PSD2: variants seen among roughly 807,000 people sequenced by gnomAD.
PSD2 encodes PH and SEC7 domain-containing protein 2.
In PSD2, 38 loss-of-function variants were observed where a neutral mutation model predicts 69.8. The ratio of observed to expected loss-of-function variants is 0.54; its 90% CI spans 0.42 to 0.71. The LOEUF is 0.71. Ranked by LOEUF, PSD2 falls within the 30% of genes least tolerant of loss-of-function variation. The probability of loss-of-function intolerance (pLI) is 0.00; values close to 1 mark genes in which losing one functional copy is unlikely to be tolerated. For synonymous variants in PSD2, 412 were observed against 423.0 expected (o/e 0.97, Z 0.32); for missense variants, 943 against 1,014.5 (o/e 0.93, Z 0.96).
chr5:139,812,146 G>A (rs773786176), intron 2 of PSD2, among the ~76,000 whole-genome samples: 2 of 152,142 alleles, frequency 1.3e-5, no homozygotes, highest in Non-Finnish European at 2.9e-5. Context: ...TGGAGCTTAC[G>A]GTCTAGTGGG....
At chr5:139,773,403 A>G in the PSD2 span, among the ~76,000 whole-genome samples, 1 of 152,100 alleles carries the variant, frequency 6.6e-6, no homozygotes, top group Admixed American at 6.6e-5. Context: ...CTGGGACTAC[A>G]GGCACACACC....
Position 139,809,048 on chromosome 5 carries a change from G to A in PSD2, c.-50-343G>A, listed in dbSNP as rs914540058. 2.6e-5 allele frequency among the ~76,000 whole-genome samples: 4 copies of A among 152,208 alleles called. No individual in the cohort carries two copies. The South Asian group carries it at 8.3e-4, about 32-fold the overall frequency. Reference sequence around the variant, plus strand: ...TCACTCACCAGCGGGAATGGGAGGGGGCCCTACTGGACCCTTCTCCACTTC... The same window carrying A: ...TCACTCACCAGCGGGAATGGGAGGGAGCCCTACTGGACCCTTCTCCACTTC... On this transcript the variant is annotated intron_variant, in intron 1 of 14. Coordinates refer to ENST00000274710, the MANE Select transcript of PSD2 (RefSeq NM_032289.4).
At chr5:139,775,685 T>A in the PSD2 span, among the ~76,000 whole-genome samples, 8 of 152,206 alleles carry the variant, frequency 5.3e-5, no homozygotes, top group South Asian at 1.7e-3. Flanking sequence ...TTCTTCCTTT[T>A]TTTGTGAGAG....
At chr5:139,804,318 A>T (rs1375341633) in intron 1 of PSD2, among the ~76,000 whole-genome samples, 1 of 152,186 alleles carries the variant, frequency 6.6e-6, no homozygotes, top group Admixed American at 6.5e-5. Context: ...TTTCTTTGCC[A>T]AGTAACCCTC....
chr5:139,768,666 T>G, the PSD2 span, among the ~76,000 whole-genome samples: 1 of 149,506 alleles, frequency 6.7e-6, no homozygotes, highest in Non-Finnish European at 1.5e-5. Context: ...GAGGTTGCTG[T>G]GAGCCGAGAT....
the PSD2 span, among the ~76,000 whole-genome samples, chr5:139,760,920 G>A: frequency 6.6e-6 from 1 of 152,148 alleles, no homozygotes; most frequent in Non-Finnish European, 1.5e-5. Context: ...AGCCTGCCCC[G>A]GGGATCTCCT....
In PSD2 at chr5:139,842,914, C is replaced by T. The variant is rs79252736; in HGVS notation, c.*440C>T. Reference sequence around the variant, plus strand: ...CTCCTCCTTCCTCTGAGTTGACCAGCAGCAGGTCTGCCGACCACCAGCACC... The same window carrying T: ...CTCCTCCTTCCTCTGAGTTGACCAGTAGCAGGTCTGCCGACCACCAGCACC... On this transcript the variant is annotated 3_prime_UTR_variant, in exon 15 of 15. Transcript: ENST00000274710. 6.9e-3 allele frequency: 1,122 copies of T among 162,390 alleles called. 13 individuals carry two copies. Among genetic ancestry groups the T allele is most frequent in the African/African-American group, 0.026 (1,080 of 41,732 alleles). 10.1% of individuals were successfully genotyped at this position (162,390 alleles called of 1,614,324 possible). A position where few individuals can be genotyped will look rare whatever the true frequency, so the allele number is the denominator to read the frequency against.
chr5:139,834,954 T>C (rs1259944698), intron 8 of PSD2, among the ~76,000 whole-genome samples: 4 of 150,008 alleles, frequency 2.7e-5, no homozygotes, highest in Non-Finnish European at 5.9e-5. Flanking sequence ...TATATATATC[T>C]CCCCAAACCC....
upstream of PSD2, among the ~76,000 whole-genome samples, chr5:139,793,163 G>A (rs978934384): frequency 1.3e-4 from 19 of 151,968 alleles, no homozygotes; most frequent in African/African-American, 3.9e-4. Context: ...GGCTGGTCTC[G>A]AGCTCTTGAC....
Position 139,837,324 on chromosome 5 carries a change from G to A in PSD2, c.1665+86G>A. On this transcript the variant is annotated intron_variant, in intron 11 of 14. Transcript: ENST00000274710. This position sits in a 1 kb window ranked among gnomAD's most constrained non-coding sequence, Gnocchi z 5.0. ...GCCTTGTGGCACCCCGAAGCCCCAG[G>A]CAGGACCTGGGGCTCAGGCACATGC... is the stretch of plus-strand genomic sequence containing the variant. The A allele has an allele frequency of 7.5e-7, 1 of 1,328,094 alleles. No individual in the cohort carries two copies. The highest frequency in any genetic ancestry group is 1.2e-5 in the South Asian group (1 of 82,062). The allele number at this position is 1,328,094 out of a possible 1,614,324, so 82.3% of individuals were successfully genotyped here.
chr5:139,822,062 TC>T, intron 6 of PSD2, 57 bp downstream of exon 6: 1 of 1,109,290 alleles, frequency 9.0e-7, no homozygotes. Flanking sequence ...CAGGCCCTGG[TC>T]CCCTCCCATC....
the PSD2 span, among the ~76,000 whole-genome samples, chr5:139,767,999 A>G: frequency 6.6e-6 from 1 of 152,286 alleles, no homozygotes; most frequent in Non-Finnish European, 1.5e-5. Flanking sequence ...GGACAAGAAG[A>G]CCTTGAGCTG....
intron 14 of PSD2, 94 bp downstream of exon 14, chr5:139,840,264 G>A: frequency 7.2e-7 from 1 of 1,384,618 alleles, no homozygotes; most frequent in Non-Finnish European, 1.0e-6. Context: ...GAAGCCTAGT[G>A]ATAAAGGGGC....
At chr5:139,838,571 T>C in intron 12 of PSD2, 57 bp from the exon 13 acceptor site, 1 of 1,579,938 alleles carries the variant, frequency 6.3e-7, no homozygotes. Flanking sequence ...GGATGCTGAG[T>C]AGGGGACAGG....
chr5:139,792,891 C>T (rs1393453589), upstream of PSD2, among the ~76,000 whole-genome samples: 1 of 125,364 alleles, frequency 8.0e-6, no homozygotes, highest in African/African-American at 3.1e-5. Context: ...TCCTTCCTTC[C>T]TTCCTTCCTT....
the PSD2 span, chr5:139,772,631 GCTCAGGT>G: frequency 6.6e-6 from 1 of 152,268 alleles, no homozygotes; most frequent in Non-Finnish European, 1.5e-5. Context: ...TCTGTCTGCA[GCTCAGGT>G]CTCCTGGATG....
At chr5:139,766,837 T>C in the PSD2 span, among the ~76,000 whole-genome samples, 4,090 of 31,890 alleles carry the variant, frequency 0.13, 357 homozygotes, top group East Asian at 0.24. Context: ...CCTTCTTTCT[T>C]TCTTTCTTTC....
chr5:139,746,752 G>A, the PSD2 span, among the ~76,000 whole-genome samples: 1 of 152,132 alleles, frequency 6.6e-6, no homozygotes, highest in African/African-American at 2.4e-5. The surrounding 1 kb of genome is among the most constrained non-coding windows in gnomAD (Gnocchi z 4.5). Context: ...GACCCCCACG[G>A]CTCCCCAACC....
the PSD2 span, among the ~76,000 whole-genome samples, chr5:139,764,073 G>C: frequency 1.4e-4 from 21 of 152,360 alleles, no homozygotes; most frequent in South Asian, 3.9e-3. Context: ...AGTTCTCACA[G>C]TGCTTCCCAA....
Sources: gnomAD v4.1 joint callset for allele counts (sites outside exome capture counted in the v4.1 genomes callset) on GRCh38, gnomAD v4.1.1 for gene constraint, Gnocchi (gnomAD v3.1) non-coding constraint, MANE v1.5 for transcripts, NCBI Gene and HGNC (gene_info 2026-07-23, HGNC 2026-07-21) for gene names.